Variants in AMZ1 observed in about 807,000 individuals in gnomAD.
AMZ1 encodes archaemetzincin-1.
A neutral mutation model predicts 29.9 loss-of-function variants in AMZ1; 39 were observed. The observed-to-expected ratio is 1.30, with a 90% CI of 1.01 to 1.70. The LOEUF (loss-of-function observed/expected upper bound fraction) is 1.70. AMZ1 is among the 40% of genes most tolerant of loss of function. The pLI is 0.00. For missense variants in AMZ1, 1,041 were observed against 680.6 expected (o/e 1.53, Z -5.89); for synonymous variants, 458 against 304.0 (o/e 1.51, Z -5.27).
intron 4 of AMZ1, among the ~76,000 whole-genome samples, chr7:2,733,796 T>A (rs1790022058): frequency 6.6e-6 from 1 of 152,200 alleles, no homozygotes; most frequent in Admixed American, 6.5e-5. Flanking sequence ...GATGGGGGAC[T>A]CTCTTTCCAG....
intron 1 of AMZ1, among the ~76,000 whole-genome samples, chr7:2,681,988 C>T (rs903919792): frequency 6.6e-6 from 1 of 152,152 alleles, no homozygotes; most frequent in Non-Finnish European, 1.5e-5. Flanking sequence ...GGGGAGCGGG[C>T]TAAGGGCCCC....
At chr7:2,744,241 C>G (rs1224246100) in intron 4 of AMZ1, among the ~76,000 whole-genome samples, 1 of 152,226 alleles carries the variant, frequency 6.6e-6, no homozygotes, top group Non-Finnish European at 1.5e-5. Flanking sequence ...GTCCCTGACC[C>G]TGAGTAGCCT....
In AMZ1 at chr7:2,710,313, G is replaced by T. The variant is rs185549956; in HGVS notation, c.948+497G>T. On this transcript the variant is annotated intron_variant, in intron 6 of 6. Coordinates refer to ENST00000683327, the MANE Select transcript of AMZ1 (RefSeq NM_001384743.1). ...GGGTTGCCGAGCAAAGGGCTCGTCC[G>T]TATTCATGGACATTTGTTTGCAAGC... Among the ~76,000 whole-genome samples, 45 of 152,334 alleles carry T rather than the reference G, an allele frequency of 3.0e-4. 3 individuals carry two copies. Among genetic ancestry groups the T allele is most frequent in the Admixed American group, 2.5e-3 (38 of 15,308 alleles).
At chr7:2,742,147 G>T (rs185766553) in intron 4 of AMZ1, among the ~76,000 whole-genome samples, 3 of 151,744 alleles carry the variant, frequency 2.0e-5, no homozygotes, top group Non-Finnish European at 4.4e-5. Flanking sequence ...TCAGCCACCC[G>T]AGTAGCTGGG....
intron 1 of AMZ1, among the ~76,000 whole-genome samples, chr7:2,690,432 G>T (rs1408668683): frequency 6.6e-6 from 1 of 152,124 alleles, no homozygotes; most frequent in East Asian, 1.9e-4. Flanking sequence ...ATTTCCCCAG[G>T]CTGGTCTCAA....
upstream of AMZ1, chr7:2,762,873 C>T: frequency 1.4e-6 from 2 of 1,444,928 alleles, no homozygotes; most frequent in South Asian, 2.9e-5. Context: ...GCTCCGAGCC[C>T]TGCTCGTGGA....
rs531323919 is a variant in AMZ1 at position 2,688,729 on chromosome 7, C to G, written c.-219+433C>G. Among the ~76,000 whole-genome samples the G allele has an allele frequency of 3.9e-5, 6 of 152,256 alleles. No individual in the cohort carries two copies. In the East Asian group the frequency reaches 1.2e-3, roughly 30 times the overall value. ...CGTCCCCGGGGAACCTCCAGGGCGC[C>G]GAGAATCTCGTCGTGCCCAGGGCTC... On this transcript the variant is annotated intron_variant, in intron 1 of 6. Coordinates refer to ENST00000683327, the MANE Select transcript of AMZ1 (RefSeq NM_001384743.1).
intron 4 of AMZ1, among the ~76,000 whole-genome samples, chr7:2,751,756 T>A (rs562179375): frequency 2.0e-5 from 3 of 152,234 alleles, no homozygotes; most frequent in Non-Finnish European, 4.4e-5. Context: ...AGATTGGACA[T>A]CTTATACGAA....
intron 4 of AMZ1, among the ~76,000 whole-genome samples, chr7:2,734,898 G>A (rs1213746682): frequency 6.6e-6 from 1 of 152,176 alleles, no homozygotes; most frequent in African/African-American, 2.4e-5. Context: ...CATCGGGAGT[G>A]CCAGGGTGAA....
upstream of AMZ1, among the ~76,000 whole-genome samples, chr7:2,687,259 G>A (rs1473438102): frequency 6.6e-6 from 1 of 152,022 alleles, no homozygotes; most frequent in Admixed American, 6.5e-5. Context: ...CCCCGGAGGT[G>A]GAGGTTGCAG....
chr7:2,705,655 CTG>C (rs1788310749), intron 3 of AMZ1, among the ~76,000 whole-genome samples: 1 of 152,190 alleles, frequency 6.6e-6, no homozygotes. Context: ...GGAGCAGCCA[CTG>C]TTGAGATTTG....
upstream of AMZ1, among the ~76,000 whole-genome samples, chr7:2,685,848 G>A (rs1351124616): frequency 2.4e-5 from 3 of 122,878 alleles, no homozygotes; most frequent in African/African-American, 3.4e-5. Context: ...GCGAGACTCC[G>A]TCTCAAGAAA....
rs190120728 is a variant in AMZ1, at chr7:2,705,923, C to T, written c.473-2665C>T. Among the ~76,000 whole-genome samples the T allele has an allele frequency of 2.5e-4, 38 of 152,386 alleles. No individual in the cohort carries two copies. The East Asian group carries it at 6.8e-3, about 27-fold the overall frequency. On this transcript the variant is annotated intron_variant, in intron 3 of 6. Coordinates refer to ENST00000683327, the MANE Select transcript of AMZ1 (RefSeq NM_001384743.1). ...CTCCCCCACGCCGTACACGGTGCGT[C>T]TCACCTGTTATGGCCTCTGACCTGT...
chr7:2,707,308 A>G (rs1788416581), intron 3 of AMZ1, among the ~76,000 whole-genome samples: 1 of 151,626 alleles, frequency 6.6e-6, no homozygotes, highest in Non-Finnish European at 1.5e-5. Flanking sequence ...ACACACACAC[A>G]GAACAACCTC....
rs946896160 is a variant in AMZ1 at position 2,717,325 on chromosome 7, G to A, written c.*4447G>A. Among the ~76,000 whole-genome samples the A allele has an allele frequency of 6.6e-6, 1 of 152,254 alleles. No individual in the cohort carries two copies. Among genetic ancestry groups the A allele is most frequent in the African/African-American group, 2.4e-5 (1 of 41,474 alleles). ...CGACGGGGCTCATAGACCTGAACTG[G>A]GTCTGCCTGCCTGTGTGCTGGAAGC... is the stretch of plus-strand genomic sequence containing the variant. On this transcript the variant is annotated 3_prime_UTR_variant, in exon 7 of 7. Transcript: ENST00000683327.
chr7:2,700,788 T>C, intron 2 of AMZ1, 33 bp downstream of exon 2: 1 of 1,602,286 alleles, frequency 6.2e-7, no homozygotes, highest in African/African-American at 1.3e-5. Context: ...GGCACGCTCC[T>C]GGGGGACCAG....
rs1789238378 is a variant in AMZ1 at position 2,718,143 on chromosome 7, T to C, written c.*5265T>C. Reference sequence around the variant, plus strand: ...CACCACTGAGGCCTCCCTCGATGCCTGCTCCCTGGGCTTTTTAATGAACGC... The same window carrying C: ...CACCACTGAGGCCTCCCTCGATGCCCGCTCCCTGGGCTTTTTAATGAACGC... On this transcript the variant is annotated 3_prime_UTR_variant, in exon 7 of 7. Transcript: ENST00000683327. Among the ~76,000 whole-genome samples, 1 of 152,320 alleles carries C rather than the reference T, an allele frequency of 6.6e-6. No individual in the cohort carries two copies. Among genetic ancestry groups the C allele is most frequent in the African/African-American group, 2.4e-5 (1 of 41,570 alleles).
At chr7:2,725,305 G>A (rs890423186) in intron 4 of AMZ1, among the ~76,000 whole-genome samples, 4 of 152,234 alleles carry the variant, frequency 2.6e-5, no homozygotes, top group African/African-American at 9.6e-5. Context: ...GCATCTCCTA[G>A]AAGGGGCTGC....
At chr7:2,759,825 C>A (rs111940895), upstream of AMZ1, among the ~76,000 whole-genome samples, 548 of 152,316 alleles carry the variant, frequency 3.6e-3, 6 homozygotes, top group Non-Finnish European at 4.3e-3. Flanking sequence ...GCAGTTTCTG[C>A]AACGGGTGCA....
Sources: gnomAD v4.1 joint callset for allele counts (sites outside exome capture counted in the v4.1 genomes callset) on GRCh38, gnomAD v4.1.1 for gene constraint, MANE v1.5 for transcripts, NCBI Gene and HGNC (gene_info 2026-07-23, HGNC 2026-07-21) for gene names.